Variants in SYTL2 observed in about 807,000 individuals in gnomAD.
The protein encoded by SYTL2 is synaptotagmin-like protein 2.
In SYTL2, 165 loss-of-function variants were observed where a neutral mutation model predicts 198.7. The ratio of observed to expected loss-of-function variants is 0.83; its 90% confidence interval spans 0.73 to 0.94. The LOEUF (loss-of-function observed/expected upper bound fraction) is 0.94. SYTL2 is among the 40% of genes least tolerant of loss of function. SYTL2 has a pLI of 0.00. For synonymous variants in SYTL2, 966 were observed against 917.7 expected, an observed-to-expected ratio of 1.05 and a Z score of -0.95; for missense variants, 2,835 against 2,582.8, an observed-to-expected ratio of 1.10 and a Z score of -2.12.
At chr11:85,754,247 T>C (rs553443586) in intron 2 of SYTL2, among the ~76,000 whole-genome samples, 1 of 152,324 alleles carries the variant, frequency 6.6e-6, no homozygotes, top group African/African-American at 2.4e-5. Flanking sequence ...AGTAAATTCC[T>C]TGAGAGCTGG....
In SYTL2 at chr11:85,725,899, T is replaced by C; in HGVS notation, c.3459A>G (p.Gly1153=). ...CAAGCACTTGTTTTCCATGAACTTT[T>C]CCACCAGAGGGTTGAATTGCTGGTG... ...TSTPAIQPSG[G]KVHGKQVLEP... The change falls in exon 8 of 20, where the codon GGA becomes GGG. Residue 1153 remains glycine (G), a synonymous_variant. Coordinates refer to ENST00000359152, the MANE Select transcript of SYTL2 (RefSeq NM_206927.4). 6.2e-7 allele frequency: 1 copy of C among 1,613,896 alleles called. No individual in the cohort carries two copies. Among genetic ancestry groups the C allele is most frequent in the East Asian group, 2.2e-5 (1 of 44,890 alleles).
intron 1 of SYTL2, among the ~76,000 whole-genome samples, chr11:85,777,171 T>C (rs1303799079): frequency 6.6e-6 from 1 of 152,220 alleles, no homozygotes; most frequent in Non-Finnish European, 1.5e-5. Context: ...ACCTCAGTAA[T>C]TAGCATGTGT....
At chr11:85,719,126 CAGG>C (rs1418847113) in intron 9 of SYTL2, 17 of 1,448,558 alleles carry the variant, frequency 1.2e-5, no homozygotes, top group Non-Finnish European at 1.5e-5. Context: ...CGGCCAGCAG[CAGG>C]AGAAAGCACG....
At chr11:85,766,854 G>C (rs1394787831) in intron 1 of SYTL2, among the ~76,000 whole-genome samples, 1 of 152,162 alleles carries the variant, frequency 6.6e-6, no homozygotes, top group African/African-American at 2.4e-5. Context: ...TTGAAGAGAA[G>C]TACGATCTCT....
chr11:85,724,796 C>T lies in SYTL2; in HGVS notation c.4562G>A (p.Gly1521Glu). 6.2e-7 allele frequency: 1 copy of T among 1,612,956 alleles called. No homozygotes were observed. Among genetic ancestry groups the T allele is most frequent in the Non-Finnish European group, 8.5e-7 (1 of 1,179,650 alleles). ...TATTAACTTTGATGGAGAAAGATTCCCTGTATCACTTTCATATTTTGAGGG... is the reference window on the plus strand; with the variant it reads ...TATTAACTTTGATGGAGAAAGATTCTCTGTATCACTTTCATATTTTGAGGG... ...TFPSKYESDT[G>E]NLSPSKLIGS... The change falls in exon 8 of 20, where the codon GGG (glycine) becomes GAG (glutamate). Residue 1521 changes from glycine to glutamate, a missense_variant. Physicochemically the swap from Gly to Glu is moderately conservative, Grantham distance 98. Transcript: ENST00000359152.
rs527259541 is a variant in SYTL2, at chr11:85,748,312, G to A, written c.213C>T (p.Ile71=). ...RHRDKIHGAD[I]IRASMRKKRP... is the part of the protein sequence containing the mutation. ...TCTTCTTTCTCATAGATGCTCTGAT[G>A]ATATCTGCGCCATGGATTTTGTCCC... The change falls in exon 3 of 20, where the codon ATC becomes ATT. Residue 71 remains isoleucine (I), a synonymous_variant. Transcript: ENST00000359152. 42 of 1,613,928 alleles carry A rather than the reference G, an allele frequency of 2.6e-5. No homozygotes were observed. The South Asian group carries it at 4.0e-4, about 15-fold the overall frequency.
At chr11:85,756,475 T>C (rs1180131142) in intron 2 of SYTL2, among the ~76,000 whole-genome samples, 1 of 152,044 alleles carries the variant, frequency 6.6e-6, no homozygotes, top group Non-Finnish European at 1.5e-5. Flanking sequence ...AACAAATGAG[T>C]ACCTAAGACT....
At chr11:85,796,404 C>T (rs566911862) in intron 1 of SYTL2, among the ~76,000 whole-genome samples, 1 of 152,280 alleles carries the variant, frequency 6.6e-6, no homozygotes, top group Non-Finnish European at 1.5e-5. Context: ...GAACTCCTCC[C>T]CTGATTTAGA....
Position 85,789,540 on chromosome 11 carries a change from A to G in SYTL2, c.-390+21414T>C, listed in dbSNP as rs944225522. ...ATCTTCCACCGCCCCTGGCCAAATT[A>G]TACATTTTGAAAGCCTTATCAGTTT... On this transcript the variant is annotated intron_variant, in intron 1 of 19. Transcript: ENST00000359152. 4.0e-5 allele frequency among the ~76,000 whole-genome samples: 6 copies of G among 150,634 alleles called. No homozygotes were observed. In the South Asian group the frequency reaches 1.3e-3, roughly 32 times the overall value.
intron 1 of SYTL2, among the ~76,000 whole-genome samples, chr11:85,764,074 T>G (rs2092172377): frequency 6.6e-6 from 1 of 152,254 alleles, no homozygotes; most frequent in Non-Finnish European, 1.5e-5. Flanking sequence ...TCAGGCTCAC[T>G]TGGTTGGACT....
chr11:85,816,994 A>G, the SYTL2 span, among the ~76,000 whole-genome samples: 7 of 151,686 alleles, frequency 4.6e-5, no homozygotes, highest in Non-Finnish European at 8.8e-5. Flanking sequence ...GTCATAACCC[A>G]TGACCTTTTT....
the SYTL2 span, among the ~76,000 whole-genome samples, chr11:85,838,710 A>G: frequency 9.9e-5 from 15 of 152,186 alleles, no homozygotes; most frequent in African/African-American, 3.6e-4. Context: ...CCCGTGACCC[A>G]AACACCTCCC....
chr11:85,799,216 T>C (rs2092848511), intron 1 of SYTL2, among the ~76,000 whole-genome samples: 1 of 152,192 alleles, frequency 6.6e-6, no homozygotes, highest in Admixed American at 6.5e-5. Context: ...CCTTCTGGGC[T>C]TTGGGCATTA....
intron 1 of SYTL2, among the ~76,000 whole-genome samples, chr11:85,800,849 T>C (rs1023883392): frequency 3.3e-5 from 5 of 152,174 alleles, no homozygotes; most frequent in Admixed American, 6.5e-5. Context: ...ACATTATTAA[T>C]AGTTCAAGTG....
intron 7 of SYTL2, among the ~76,000 whole-genome samples, chr11:85,728,453 A>G (rs990937968): frequency 4.6e-5 from 7 of 151,630 alleles, no homozygotes; most frequent in Non-Finnish European, 7.4e-5. Flanking sequence ...CGCTCAGCTA[A>G]TTTTTGTATT....
Position 85,757,825 on chromosome 11 carries a change from A to G in SYTL2, c.-100T>C. On this transcript the variant is annotated 5_prime_UTR_variant, in exon 2 of 20. Transcript: ENST00000359152. ...ACCAGGAAGATTAAAACACACAAAA[A>G]TGAAATATCTTGTTCAGTTCTGCAT... 1 of 1,540,340 alleles carries G rather than the reference A, an allele frequency of 6.5e-7. No individual in the cohort carries two copies. The highest frequency in any genetic ancestry group is 8.8e-7 in the Non-Finnish European group (1 of 1,134,530).
the SYTL2 span, among the ~76,000 whole-genome samples, chr11:85,839,536 G>A: frequency 6.6e-6 from 1 of 152,182 alleles, no homozygotes; most frequent in Admixed American, 6.5e-5. Flanking sequence ...TGAGAACATG[G>A]AATGTTTGTC....
intron 1 of SYTL2, among the ~76,000 whole-genome samples, chr11:85,795,799 T>C (rs2092795518): frequency 6.6e-6 from 1 of 152,006 alleles, no homozygotes; most frequent in Non-Finnish European, 1.5e-5. Context: ...GGCTCTGAAA[T>C]CAGCAAACTG....
At chr11:85,750,905 G>C (rs184355405) in intron 2 of SYTL2, among the ~76,000 whole-genome samples, 1 of 152,122 alleles carries the variant, frequency 6.6e-6, no homozygotes, top group Non-Finnish European at 1.5e-5. Context: ...AACCCTTATA[G>C]CAGAACAACA....
Sources: allele counts gnomAD v4.1 joint callset (sites outside exome capture counted in the v4.1 genomes callset), GRCh38; gene constraint gnomAD v4.1.1; transcripts MANE v1.5; gene names NCBI Gene and HGNC (gene_info 2026-07-23, HGNC 2026-07-21).